PALS2: variants seen among roughly 807,000 people sequenced by gnomAD.
PALS2 encodes protein PALS2.
Under a neutral mutation model 61.6 loss-of-function variants are expected in PALS2, and 27 were observed. The observed-to-expected ratio is 0.44, with a 90% CI of 0.32 to 0.60. The LOEUF (loss-of-function observed/expected upper bound fraction) is 0.60. Ranked by LOEUF, PALS2 falls within the 20% of genes least tolerant of loss-of-function variation. PALS2 has a pLI of 0.05. For missense variants in PALS2, 554 were observed against 639.4 expected (o/e 0.87, Z 1.44); for synonymous variants, 236 against 218.6 (o/e 1.08, Z -0.70).
At chr7:24,660,539 GACAA>G (rs917729713) in intron 5 of PALS2, among the ~76,000 whole-genome samples, 22 of 150,642 alleles carry the variant, frequency 1.5e-4, no homozygotes, top group South Asian at 6.2e-4. Context: ...ACTTCCTATT[GACAA>G]ACACACACAC....
At chr7:24,585,621 CTCTG>C (rs1389986755) in intron 1 of PALS2, among the ~76,000 whole-genome samples, 2 of 151,926 alleles carry the variant, frequency 1.3e-5, no homozygotes, top group Non-Finnish European at 1.5e-5. Flanking sequence ...ACTGACTTGG[CTCTG>C]TCTGTCCTTA....
At chr7:24,686,747 A>G (rs114346316) in intron 11 of PALS2, among the ~76,000 whole-genome samples, 2,072 of 152,324 alleles carry the variant, frequency 0.014, 50 homozygotes, top group African/African-American at 0.046. Context: ...TAGGAACTCA[A>G]TAAATATTTG....
In PALS2 at chr7:24,693,108, A is replaced by C. The variant is rs940176230; in HGVS notation, c.*5494A>C. 3.9e-5 allele frequency: 6 copies of C among 152,118 alleles called. No individual in the cohort carries two copies. Among genetic ancestry groups the C allele is most frequent in the Non-Finnish European group, 8.8e-5 (6 of 68,004 alleles). The allele number at this position is 152,118 out of a possible 1,614,324, so 9.4% of individuals were successfully genotyped here. Reference sequence around the variant, plus strand: ...CTCCTACTGGCTCTTACTGTTTTCTAATCTCCAGTGTAAATGGAATGAACA... The same window carrying C: ...CTCCTACTGGCTCTTACTGTTTTCTCATCTCCAGTGTAAATGGAATGAACA... On this transcript the variant is annotated 3_prime_UTR_variant, in exon 12 of 12. Coordinates refer to ENST00000222644, the MANE Select transcript of PALS2 (RefSeq NM_001303037.2).
intron 2 of PALS2, among the ~76,000 whole-genome samples, chr7:24,641,086 T>C (rs1446881413): frequency 6.6e-6 from 1 of 150,634 alleles, no homozygotes; most frequent in African/African-American, 2.5e-5. Flanking sequence ...GTGGAAAAGA[T>C]TGTGAGATTA....
intron 1 of PALS2, among the ~76,000 whole-genome samples, chr7:24,580,312 A>G (rs550942758): frequency 1.3e-5 from 2 of 152,290 alleles, no homozygotes; most frequent in African/African-American, 4.8e-5. Flanking sequence ...TAGGTCTGGT[A>G]TGGGGCAGGA....
In PALS2 at chr7:24,603,145, C is replaced by T. The variant is rs545102967; in HGVS notation, c.-2-20521C>T. 1.8e-3 allele frequency among the ~76,000 whole-genome samples: 269 copies of T among 152,300 alleles called. 1 individual carries two copies. Among genetic ancestry groups the T allele is most frequent in the African/African-American group, 6.3e-3 (260 of 41,568 alleles). On this transcript the variant is annotated intron_variant, in intron 1 of 11. Coordinates refer to ENST00000222644, the MANE Select transcript of PALS2 (RefSeq NM_001303037.2). ...AGCCAGCACCTTGATCTTGGACTTC[C>T]CAGCCTTCAGACCTGTGAGAAATAA...
intron 8 of PALS2, among the ~76,000 whole-genome samples, chr7:24,668,122 C>G (rs773386680): frequency 1.3e-5 from 2 of 151,406 alleles, no homozygotes; most frequent in African/African-American, 4.9e-5. Context: ...AGTTTGAGAC[C>G]AGCCTGGGCA....
intron 9 of PALS2, among the ~76,000 whole-genome samples, chr7:24,678,696 C>G (rs890453781): frequency 2.0e-5 from 3 of 152,130 alleles, no homozygotes; most frequent in Non-Finnish European, 2.9e-5. Flanking sequence ...CAAACACTTA[C>G]CATAATTAAG....
chr7:24,634,791 T>C (rs1000646654), intron 2 of PALS2, among the ~76,000 whole-genome samples: 1 of 152,208 alleles, frequency 6.6e-6, no homozygotes, highest in South Asian at 2.1e-4. Context: ...TTGTTGGACT[T>C]TCAAATGGTG....
chr7:24,574,098 G>A (rs556511508), intron 1 of PALS2: 3 of 152,372 alleles, frequency 2.0e-5, no homozygotes, highest in Non-Finnish European at 2.9e-5. Context: ...CCCGAGAGGG[G>A]GTGATTCCGC....
intron 5 of PALS2, among the ~76,000 whole-genome samples, chr7:24,652,382 A>G (rs928692327): frequency 8.5e-5 from 13 of 152,166 alleles, no homozygotes; most frequent in African/African-American, 3.1e-4. Flanking sequence ...ATGAAATGCA[A>G]GGACATTTAG....
chr7:24,661,469 G>A (rs1786717295), intron 5 of PALS2, among the ~76,000 whole-genome samples: 1 of 152,132 alleles, frequency 6.6e-6, no homozygotes, highest in African/African-American at 2.4e-5. Flanking sequence ...ATCTTGTAAA[G>A]TCTGAGCTTT....
At chr7:24,686,799 A>G (rs959431052) in intron 11 of PALS2, among the ~76,000 whole-genome samples, 3 of 152,230 alleles carry the variant, frequency 2.0e-5, no homozygotes, top group African/African-American at 7.2e-5. Context: ...ACACCATCTT[A>G]CGAAAAGCTT....
At chr7:24,638,935 A>G (rs1001368268) in intron 2 of PALS2, among the ~76,000 whole-genome samples, 3 of 152,220 alleles carry the variant, frequency 2.0e-5, no homozygotes, top group Admixed American at 1.3e-4. Context: ...TGTCTAAAGT[A>G]CTGTTGCTGA....
At chr7:24,646,819 C>G (rs1785855948) in intron 3 of PALS2, among the ~76,000 whole-genome samples, 1 of 152,080 alleles carries the variant, frequency 6.6e-6, no homozygotes, top group Non-Finnish European at 1.5e-5. Context: ...ATTACTGATT[C>G]AATTTCGGAG....
At chr7:24,639,491 C>A (rs1458105588) in intron 2 of PALS2, among the ~76,000 whole-genome samples, 2 of 151,682 alleles carry the variant, frequency 1.3e-5, no homozygotes, top group East Asian at 3.9e-4. Flanking sequence ...TGTTAAGGTT[C>A]TTTCCTTCCT....
chr7:24,678,541 T>A (rs577836391), intron 9 of PALS2, among the ~76,000 whole-genome samples: 1 of 152,282 alleles, frequency 6.6e-6, no homozygotes, highest in African/African-American at 2.4e-5. Flanking sequence ...ACAAAATTGG[T>A]ATCACAACTA....
chr7:24,647,109 ATTT>A lies in PALS2; in HGVS notation c.271-2499_271-2497del, dbSNP rs777732906. On this transcript the variant is annotated intron_variant, in intron 3 of 11. Transcript: ENST00000222644. Reference sequence around the variant, plus strand: ...TCAAAAACCCAACTCCTGGATTCTGATTTTTTGTTGTTGTTGTTGTTGTTTTAA... The same window carrying A: ...TCAAAAACCCAACTCCTGGATTCTGATTTGTTGTTGTTGTTGTTGTTTTAA... Among the ~76,000 whole-genome samples the A allele has an allele frequency of 1.0e-4, 15 of 146,058 alleles. 1 individual carries two copies. The highest frequency in any genetic ancestry group is 7.5e-4 in the Admixed American group (11 of 14,726).
intron 1 of PALS2, among the ~76,000 whole-genome samples, chr7:24,581,382 C>A (rs938323235): frequency 1.3e-5 from 2 of 152,074 alleles, no homozygotes; most frequent in Non-Finnish European, 2.9e-5. Flanking sequence ...GATCTTTAAT[C>A]ACACCTGTGA....
Sources: allele counts gnomAD v4.1 joint callset (sites outside exome capture counted in the v4.1 genomes callset), GRCh38; gene constraint gnomAD v4.1.1; transcripts MANE v1.5; gene names NCBI Gene and HGNC (gene_info 2026-07-23, HGNC 2026-07-21).